Variants in FAHD2B observed in about 807,000 individuals in gnomAD.
FAHD2B encodes the protein oxaloacetate tautomerase FAHD2B, mitochondrial.
FAHD2B carries 26 observed loss-of-function variants against 33.7 expected under a neutral mutation model. That is an observed-to-expected ratio of 0.77 (90% CI 0.57 to 1.07). The LOEUF is 1.07. Ranked by LOEUF, FAHD2B falls within the 50% of genes least tolerant of loss-of-function variation. The pLI is 0.00. For synonymous variants in FAHD2B, 108 were observed against 150.9 expected, an observed-to-expected ratio of 0.72 and a Z score of 2.08; for missense variants, 272 against 388.1, an observed-to-expected ratio of 0.70 and a Z score of 2.51.
chr2:97,091,036 A>G (rs1395871977), intron 3 of FAHD2B, among the ~76,000 whole-genome samples: 1 of 87,518 alleles, frequency 1.1e-5, no homozygotes, highest in Non-Finnish European at 2.9e-5. Context: ...GTCCAAACCC[A>G]GGAACCAAGT....
At chr2:97,081,703 C>G (rs531621759), downstream of FAHD2B, among the ~76,000 whole-genome samples, 1 of 148,878 alleles carries the variant, frequency 6.7e-6, no homozygotes, top group South Asian at 2.1e-4. Context: ...ATATGGCCAC[C>G]TATGCCCCGG....
At chr2:97,094,289 A>G (rs1386490273) in intron 1 of FAHD2B, among the ~76,000 whole-genome samples, 1 of 151,230 alleles carries the variant, frequency 6.6e-6, no homozygotes, top group Non-Finnish European at 1.5e-5. Context: ...CCCTCAGGTA[A>G]AGCGCCCTCA....
At chr2:97,093,553 C>A (rs866693446) in intron 1 of FAHD2B, among the ~76,000 whole-genome samples, 7 of 147,252 alleles carry the variant, frequency 4.8e-5, no homozygotes, top group Middle Eastern at 3.6e-3. Context: ...TGGCTCACTG[C>A]AAGCTCTGCC....
rs2032345323 is a variant in FAHD2B, at chr2:97,091,599, G to A, written c.108C>T (p.His36=). 3 of 1,613,940 alleles carry A rather than the reference G, an allele frequency of 1.9e-6. No individual in the cohort carries two copies. The highest frequency in any genetic ancestry group is 2.7e-5 in the African/African-American group (2 of 74,984). ...DMRLVQFRAP[H]LVGPHLGLET... is the part of the protein sequence containing the mutation. ...CCAGGCCCAAGTGAGGCCCCACCAG[G>A]TGGGGTGCCCGGAACTGCACTAGTC... The change falls in exon 3 of 9, where the codon CAC becomes CAT. Residue 36 remains histidine (H), a synonymous_variant. Transcript: ENST00000414820.
At chr2:97,092,176 A>C (rs1234834120) in intron 1 of FAHD2B, among the ~76,000 whole-genome samples, 188 bp from the exon 2 acceptor site, 1 of 152,156 alleles carries the variant, frequency 6.6e-6, no homozygotes, top group Non-Finnish European at 1.5e-5. Flanking sequence ...AATGAGCAGG[A>C]CCAGGAATTA....
chr2:97,086,908 T>C (rs1043846162), intron 4 of FAHD2B: 50 of 152,204 alleles, frequency 3.3e-4, no homozygotes, highest in African/African-American at 1.2e-3. Flanking sequence ...TGCTAAAAGC[T>C]TGGGGATGGA....
chr2:97,084,910 C>CAAA, intron 6 of FAHD2B, among the ~76,000 whole-genome samples: 1 of 67,928 alleles, frequency 1.5e-5, no homozygotes, highest in South Asian at 6.3e-4. Context: ...AAGACCATGC[C>CAAA]AAAAAAAAAA....
intron 6 of FAHD2B, among the ~76,000 whole-genome samples, chr2:97,084,516 T>C (rs2031832487): frequency 6.6e-6 from 1 of 151,612 alleles, no homozygotes; most frequent in Non-Finnish European, 1.5e-5. Flanking sequence ...GAGAGGATGT[T>C]CCAGACTCTG....
chr2:97,083,742 T>G lies in FAHD2B; in HGVS notation c.*13A>C, dbSNP rs1241476966. ...AGATGCCCTCATCCTATGTCGGGCC[T>G]GTGCAGGAGCCATCACACCACCTTG... On this transcript the variant is annotated 3_prime_UTR_variant, in exon 9 of 9. Transcript: ENST00000414820. 1 of 1,614,002 alleles carries G rather than the reference T, an allele frequency of 6.2e-7. No individual in the cohort carries two copies. Among genetic ancestry groups the G allele is most frequent in the African/African-American group, 1.3e-5 (1 of 74,922 alleles).
At chr2:97,087,289 G>C (rs552594183) in intron 4 of FAHD2B, among the ~76,000 whole-genome samples, 2 of 152,186 alleles carry the variant, frequency 1.3e-5, no homozygotes, top group East Asian at 1.9e-4. Flanking sequence ...CTGAACTCGT[G>C]ATCTGCCCGC....
downstream of FAHD2B, among the ~76,000 whole-genome samples, chr2:97,080,822 A>G (rs577878946): frequency 2.0e-5 from 3 of 151,852 alleles, no homozygotes; most frequent in Non-Finnish European, 4.4e-5. Context: ...CTGAATTGCC[A>G]GGTACCTTAT....
chr2:97,079,642 CT>C (rs1206224446), downstream of FAHD2B, among the ~76,000 whole-genome samples: 2 of 149,736 alleles, frequency 1.3e-5, no homozygotes, highest in Non-Finnish European at 3.0e-5. Flanking sequence ...GTTTAAATTT[CT>C]TTTTTATTTT....
At chr2:97,083,024 C>T (rs2031711270), downstream of FAHD2B, 7 of 1,108,664 alleles carry the variant, frequency 6.3e-6, no homozygotes, top group Non-Finnish European at 8.9e-6. Flanking sequence ...CATGCAAACA[C>T]TGAGGTCTAA....
chr2:97,082,323 C>A, downstream of FAHD2B: 1 of 1,596,876 alleles, frequency 6.3e-7, no homozygotes, highest in Non-Finnish European at 8.5e-7. Context: ...ACTGGTGAGG[C>A]CCTTGTTCCC....
At chr2:97,081,139 C>T (rs1164379508), downstream of FAHD2B, 16 of 1,475,224 alleles carry the variant, frequency 1.1e-5, no homozygotes, top group Non-Finnish European at 1.3e-5. Flanking sequence ...CAGAGTGCCG[C>T]CCCAGGGGCC....
intron 6 of FAHD2B, among the ~76,000 whole-genome samples, chr2:97,084,588 G>A (rs2031839252): frequency 6.6e-6 from 1 of 151,988 alleles, no homozygotes; most frequent in African/African-American, 2.4e-5. Context: ...CTACAGCATA[G>A]GAAGATACCT....
In FAHD2B at chr2:97,085,740, C is replaced by T. The variant is rs1212625025; in HGVS notation, c.644G>A (p.Cys215Tyr). The T allele has an allele frequency of 1.2e-6, 2 of 1,613,800 alleles. No individual in the cohort carries two copies. Among genetic ancestry groups the T allele is most frequent in the Admixed American group, 1.7e-5 (1 of 59,944 alleles). The change falls in exon 6 of 9, where the codon TGC becomes TAC. Residue 215 changes from cysteine to tyrosine, a missense_variant. Transcript: ENST00000414820. ...GGTCACCAAGGCAGGGCCCAGAGGG[C>T]AGAAGGTGTCGAAGGTTTTTCCCAG... ...WLLGKTFDTF[C>Y]PLGPALVTKD... is the part of the protein sequence containing the mutation.
At position 97,086,065 on chromosome 2, in the gene FAHD2B, G is replaced by A. The variant is rs2031963363; in HGVS notation, c.522+74C>T. ...GCTGGTGCCGTGTGTCGGTGAGTGA[G>A]GTCAGAACTAGGAGAGGCAGGAGCT... On this transcript the variant is annotated intron_variant, in intron 5 of 8. Coordinates refer to ENST00000414820, the MANE Select transcript of FAHD2B (RefSeq NM_001320848.2). The A allele has an allele frequency of 2.6e-6, 4 of 1,565,484 alleles. No homozygotes were observed. The Admixed American group carries it at 7.3e-5, about 29-fold the overall frequency.
At chr2:97,088,668 AG>A (rs58722456) in intron 4 of FAHD2B, among the ~76,000 whole-genome samples, 89,225 of 151,928 alleles carry the variant, frequency 0.59, 30,653 homozygotes, top group Non-Finnish European at 0.79. Context: ...ACCCTGTTCT[AG>A]GTTAAAACTA....
Sources: gnomAD v4.1 joint callset for allele counts (sites outside exome capture counted in the v4.1 genomes callset) on GRCh38, gnomAD v4.1.1 for gene constraint, MANE v1.5 for transcripts, NCBI Gene and HGNC (gene_info 2026-07-23, HGNC 2026-07-21) for gene names.